The following PCCA variants were observed in gnomAD, a reference collection of about 807,000 sequenced individuals.
The protein encoded by PCCA is propionyl-CoA carboxylase alpha chain, mitochondrial.
PCCA carries 74 observed loss-of-function variants against 101.3 expected under a neutral mutation model. That is an observed-to-expected ratio of 0.73 (90% CI 0.61 to 0.89). PCCA has a LOEUF of 0.89. Among genes scored for constraint, PCCA ranks in the 40% least tolerant of loss-of-function variants. PCCA has a pLI of 0.00. For synonymous variants in PCCA, 294 were observed against 313.6 expected (o/e 0.94, Z 0.66); for missense variants, 891 against 907.0 (o/e 0.98, Z 0.23).
chr13:100,522,041 A>C (rs1359232971), intron 22 of PCCA, among the ~76,000 whole-genome samples: 1 of 152,058 alleles, frequency 6.6e-6, no homozygotes, highest in Non-Finnish European at 1.5e-5. Flanking sequence ...TTTGGTGCTC[A>C]CTCTTGCATC....
intron 12 of PCCA, among the ~76,000 whole-genome samples, chr13:100,293,921 A>G (rs2065320270): frequency 1.3e-5 from 2 of 152,166 alleles, no homozygotes; most frequent in Admixed American, 6.5e-5. Context: ...TTGCTGTCTG[A>G]GTTCTGGACT....
At chr13:100,094,811 C>G (rs1410988364) in intron 1 of PCCA, among the ~76,000 whole-genome samples, 1 of 152,152 alleles carries the variant, frequency 6.6e-6, no homozygotes, top group African/African-American at 2.4e-5. Context: ...TGGTCTTGAA[C>G]TCTTGACCTC....
At chr13:100,322,723 A>G (rs2068202875) in intron 16 of PCCA, among the ~76,000 whole-genome samples, 1 of 152,010 alleles carries the variant, frequency 6.6e-6, no homozygotes, top group African/African-American at 2.4e-5. Context: ...GGCACATGCC[A>G]CCATTCCCAG....
chr13:100,458,294 TACACACACACACACAC>T (rs57961819), intron 21 of PCCA, among the ~76,000 whole-genome samples: 17,615 of 86,332 alleles, frequency 0.2, 1,719 homozygotes, highest in Admixed American at 0.26. Context: ...ACCCCATCTC[TACACACACACACACAC>T]ACACACACAC....
intron 7 of PCCA, among the ~76,000 whole-genome samples, chr13:100,226,905 A>C (rs1450847506): frequency 6.6e-6 from 1 of 152,310 alleles, no homozygotes; most frequent in East Asian, 1.9e-4. Context: ...TATTATGTCC[A>C]TTTTACAGAT....
At chr13:100,230,943 A>G (rs1334693508) in intron 7 of PCCA, among the ~76,000 whole-genome samples, 3 of 152,236 alleles carry the variant, frequency 2.0e-5, no homozygotes, top group South Asian at 2.1e-4. Context: ...CTCTGAGGCT[A>G]CAGTTCAGTT....
At chr13:100,490,406 A>G (rs2084814913) in intron 21 of PCCA, 1 of 152,220 alleles carries the variant, frequency 6.6e-6, no homozygotes, top group Admixed American at 6.5e-5. Flanking sequence ...CCATTCCTGC[A>G]TCAAGGCGGA....
chr13:100,359,500 G>A (rs1008024184), intron 18 of PCCA, among the ~76,000 whole-genome samples: 1 of 152,150 alleles, frequency 6.6e-6, no homozygotes, highest in East Asian at 1.9e-4. Flanking sequence ...AGGATAAAAA[G>A]GCAATCAAAT....
chr13:100,328,679 G>A lies in PCCA; in HGVS notation c.1430-1882G>A, dbSNP rs1427825397. ...TTTGTCTATGTTGTTAGGTGTTAGC[G>A]TTGAGGTTAATTTTTTTTTTTTTTT... On this transcript the variant is annotated intron_variant, in intron 16 of 23. Transcript: ENST00000376285. Among the ~76,000 whole-genome samples the A allele has an allele frequency of 3.4e-5, 5 of 145,018 alleles. 1 individual carries two copies. Among genetic ancestry groups the A allele is most frequent in the Admixed American group, 1.4e-4 (2 of 14,248 alleles).
intron 21 of PCCA, among the ~76,000 whole-genome samples, chr13:100,487,391 G>A (rs941806912): frequency 3.9e-5 from 6 of 152,142 alleles, no homozygotes; most frequent in African/African-American, 9.7e-5. Flanking sequence ...ACTGAATGAC[G>A]TGTTAACCAA....
At chr13:100,105,844 C>CAAAAAAAAAAAAA (rs71114671) in intron 2 of PCCA, among the ~76,000 whole-genome samples, 50 of 62,508 alleles carry the variant, frequency 8.0e-4, no homozygotes, top group Non-Finnish European at 1.1e-3. Flanking sequence ...GATCCTGTCT[C>CAAAAAAAAAAAAA]AAAAAAAAAA....
intron 2 of PCCA, chr13:100,104,341 G>T (rs956410931): frequency 2.0e-5 from 3 of 152,142 alleles, no homozygotes; most frequent in South Asian, 2.1e-4. Context: ...ATATGGTTTG[G>T]CTCTGTCCCC....
chr13:100,319,929 A>G (rs1448673774), intron 16 of PCCA, among the ~76,000 whole-genome samples: 2 of 152,116 alleles, frequency 1.3e-5, no homozygotes, highest in African/African-American at 4.8e-5. Context: ...CAGTATGGCC[A>G]TTTTCACGAT....
chr13:100,129,191 A>G (rs7326758), intron 4 of PCCA, among the ~76,000 whole-genome samples: 69,654 of 151,934 alleles, frequency 0.46, 16,825 homozygotes, highest in East Asian at 0.71. Context: ...AGTCCTTTTC[A>G]TAAATAATTT....
intron 21 of PCCA, among the ~76,000 whole-genome samples, chr13:100,452,204 T>A (rs905320854): frequency 8.1e-5 from 12 of 148,622 alleles, no homozygotes; most frequent in African/African-American, 3.0e-4. Context: ...CTCTTTTTCT[T>A]CTCTCTCTCT....
In PCCA at chr13:100,356,988, G is replaced by A. The variant is rs2074022648; in HGVS notation, c.1644-11484G>A. ...TCAAAGTAGATCACAAATTTTCCCA[G>A]AATAAGCAAAGCTATAGAAATCGAA... On this transcript the variant is annotated intron_variant, in intron 18 of 23. Coordinates refer to ENST00000376285, the MANE Select transcript of PCCA (RefSeq NM_000282.4). 2.6e-5 allele frequency among the ~76,000 whole-genome samples: 4 copies of A among 152,272 alleles called. No individual in the cohort carries two copies. In the South Asian group the frequency reaches 8.3e-4, roughly 32 times the overall value.
chr13:100,207,430 G>C (rs146303056), intron 6 of PCCA, among the ~76,000 whole-genome samples: 32 of 152,094 alleles, frequency 2.1e-4, no homozygotes, highest in African/African-American at 6.3e-4. Flanking sequence ...CGCCAGGCTG[G>C]AGTGTAGTGG....
At chr13:100,361,839 A>T (rs1282483225) in intron 18 of PCCA, among the ~76,000 whole-genome samples, 2 of 152,228 alleles carry the variant, frequency 1.3e-5, no homozygotes, top group African/African-American at 4.8e-5. Context: ...AGCAACTCAT[A>T]TAAAATTAAA....
intron 19 of PCCA, among the ~76,000 whole-genome samples, chr13:100,417,060 C>G (rs967772854): frequency 1.3e-4 from 19 of 151,882 alleles, no homozygotes; most frequent in Admixed American, 6.6e-5. Context: ...GCAGGCTAGT[C>G]TCGAACTCCC....
Sources: gnomAD v4.1 joint callset for allele counts (sites outside exome capture counted in the v4.1 genomes callset) on GRCh38, gnomAD v4.1.1 for gene constraint, MANE v1.5 for transcripts, NCBI Gene and HGNC (gene_info 2026-07-23, HGNC 2026-07-21) for gene names.